Variants in ADGRL3 observed in about 807,000 individuals in gnomAD.
The protein encoded by ADGRL3 is calcium-independent alpha-latrotoxin receptor 3.
In ADGRL3, 62 loss-of-function variants were observed where a neutral mutation model predicts 153.5. The observed-to-expected ratio is 0.40, with a 90% CI of 0.33 to 0.50. ADGRL3 has a LOEUF of 0.50. Ranked by LOEUF, ADGRL3 falls within the 20% of genes least tolerant of loss-of-function variation. The probability of loss-of-function intolerance (pLI) is 0.47; values close to 1 mark genes in which losing one functional copy is unlikely to be tolerated. For synonymous variants in ADGRL3, 710 were observed against 672.5 expected, an observed-to-expected ratio of 1.06 and a Z score of -0.86; for missense variants, 1,641 against 1,859.4, an observed-to-expected ratio of 0.88 and a Z score of 2.16.
chr4:61,480,355 C>T (rs1321705724), intron 2 of ADGRL3, among the ~76,000 whole-genome samples: 1 of 152,076 alleles, frequency 6.6e-6, no homozygotes. Flanking sequence ...TTTCAAATAG[C>T]AATAGTTCCT....
At chr4:61,635,286 G>C (rs550405037) in intron 5 of ADGRL3, among the ~76,000 whole-genome samples, 75 of 152,260 alleles carry the variant, frequency 4.9e-4, no homozygotes, top group African/African-American at 1.7e-3. Flanking sequence ...AGAACTGAGA[G>C]AAGCCCCACA....
chr4:62,071,755 G>A lies in ADGRL3; in HGVS notation c.*847G>A, dbSNP rs149131531. 1.6e-5 allele frequency: 6 copies of A among 378,718 alleles called. No homozygotes were observed. The highest frequency in any genetic ancestry group is 9.0e-5 in the African/African-American group (4 of 44,558). 23.5% of individuals were successfully genotyped at this position (378,718 alleles called of 1,614,324 possible). ...TCTTCATTTTCTTTTTTTCTTTTTT[G>A]CCTTTTATTCCTTTAAAATTTCGCC... On this transcript the variant is annotated 3_prime_UTR_variant, in exon 27 of 27. Coordinates refer to ENST00000683033, the MANE Select transcript of ADGRL3 (RefSeq NM_001387552.1).
intron 9 of ADGRL3, among the ~76,000 whole-genome samples, chr4:61,846,315 TC>T (rs2098115900): frequency 6.6e-6 from 1 of 150,468 alleles, no homozygotes; most frequent in Non-Finnish European, 1.5e-5. Context: ...AGACCCTGTC[TC>T]TAAAAAAAAA....
intron 3 of ADGRL3, among the ~76,000 whole-genome samples, chr4:61,510,245 T>G (rs1009247998): frequency 2.0e-5 from 3 of 152,186 alleles, no homozygotes; most frequent in Non-Finnish European, 4.4e-5. Context: ...TTTTGCTGTG[T>G]GAAAGTTCTT....
intron 5 of ADGRL3, among the ~76,000 whole-genome samples, chr4:61,645,478 C>A (rs1353508522): frequency 6.6e-6 from 1 of 151,388 alleles, no homozygotes; most frequent in African/African-American, 2.4e-5. Context: ...TAGGGCAGGC[C>A]TGGTGGTGAC....
At chr4:61,602,860 T>C (rs1409268654) in intron 5 of ADGRL3, among the ~76,000 whole-genome samples, 1 of 152,188 alleles carries the variant, frequency 6.6e-6, no homozygotes, top group African/African-American at 2.4e-5. Flanking sequence ...GGGATATTAT[T>C]AGTTTCTCAA....
intron 9 of ADGRL3, among the ~76,000 whole-genome samples, chr4:61,825,454 A>G (rs1288173246): frequency 6.6e-6 from 1 of 152,216 alleles, no homozygotes; most frequent in African/African-American, 2.4e-5. Context: ...AGTAAGATCA[A>G]ATAAAAAAGT....
chr4:61,512,952 G>A (rs986338520), intron 3 of ADGRL3, among the ~76,000 whole-genome samples: 3 of 152,218 alleles, frequency 2.0e-5, no homozygotes, highest in Admixed American at 1.3e-4. Flanking sequence ...GCTCATGGTT[G>A]GGTTGCTAAT....
At chr4:61,360,855 A>G (rs2096271994) in intron 1 of ADGRL3, among the ~76,000 whole-genome samples, 1 of 152,208 alleles carries the variant, frequency 6.6e-6, no homozygotes, top group African/African-American at 2.4e-5. Context: ...AGCAATAATA[A>G]TAGCACCTGA....
chr4:61,499,529 T>C (rs752103623), intron 3 of ADGRL3, among the ~76,000 whole-genome samples: 27 of 152,178 alleles, frequency 1.8e-4, no homozygotes, highest in Non-Finnish European at 2.9e-4. Flanking sequence ...CCTTATAATG[T>C]TATTTTGAGA....
chr4:61,716,441 C>T (rs1049099565), intron 6 of ADGRL3, among the ~76,000 whole-genome samples: 6 of 151,974 alleles, frequency 3.9e-5, no homozygotes, highest in African/African-American at 7.3e-5. Flanking sequence ...AAATACGTAC[C>T]GATTTTAAAG....
intron 5 of ADGRL3, among the ~76,000 whole-genome samples, chr4:61,646,288 C>G (rs2093980455): frequency 6.6e-6 from 1 of 152,192 alleles, no homozygotes; most frequent in Non-Finnish European, 1.5e-5. Context: ...CTCAGCTCGT[C>G]AAAGTCATTC....
chr4:61,725,117 T>C (rs1227997990), intron 6 of ADGRL3, among the ~76,000 whole-genome samples: 1 of 152,204 alleles, frequency 6.6e-6, no homozygotes, highest in East Asian at 1.9e-4. Context: ...AAGCTCTGTT[T>C]ATGTGTTGAG....
chr4:61,237,638 A>C (rs1753333676), intron 1 of ADGRL3, among the ~76,000 whole-genome samples: 1 of 152,202 alleles, frequency 6.6e-6, no homozygotes, highest in African/African-American at 2.4e-5. Context: ...GAAAAAGCAA[A>C]AAATTAGCTG....
chr4:61,396,723 T>G (rs893640915), intron 2 of ADGRL3, among the ~76,000 whole-genome samples: 7 of 151,976 alleles, frequency 4.6e-5, no homozygotes, highest in Non-Finnish European at 4.4e-5. Context: ...ATGCATAAAG[T>G]AGTAACTATA....
At chr4:61,368,529 A>G (rs974983971) in intron 1 of ADGRL3, among the ~76,000 whole-genome samples, 1 of 152,044 alleles carries the variant, frequency 6.6e-6, no homozygotes, top group African/African-American at 2.4e-5. Flanking sequence ...GTCAAAGATC[A>G]GATAGTTGTA....
At chr4:61,806,798 C>CT (rs897382251) in intron 8 of ADGRL3, among the ~76,000 whole-genome samples, 8 of 151,846 alleles carry the variant, frequency 5.3e-5, no homozygotes, top group Non-Finnish European at 1.0e-4. Context: ...TCATCTTTTT[C>CT]TTTTTTCAAA....
intron 8 of ADGRL3, among the ~76,000 whole-genome samples, chr4:61,797,047 A>C (rs2097423579): frequency 6.6e-6 from 1 of 152,028 alleles, no homozygotes; most frequent in East Asian, 1.9e-4. Context: ...TTTGCTTCTC[A>C]GGCATAGCAC....
Position 61,254,632 on chromosome 4 carries a change from G to A in ADGRL3, c.-240+52867G>A, listed in dbSNP as rs753319570. ...CCACTTACTCCCTCACTGCACGGTT[G>A]TACAAGTGTGAACATGCCTGGAAAC... On this transcript the variant is annotated intron_variant, in intron 1 of 26. Coordinates refer to ENST00000683033, the MANE Select transcript of ADGRL3 (RefSeq NM_001387552.1). Among the ~76,000 whole-genome samples the A allele has an allele frequency of 5.9e-5, 9 of 152,204 alleles. No individual in the cohort carries two copies. The East Asian group carries it at 1.7e-3, about 29-fold the overall frequency.
Sources: gnomAD v4.1 joint callset for allele counts (sites outside exome capture counted in the v4.1 genomes callset) on GRCh38, gnomAD v4.1.1 for gene constraint, MANE v1.5 for transcripts, NCBI Gene and HGNC (gene_info 2026-07-23, HGNC 2026-07-21) for gene names.